Variants in FAT2 observed in about 807,000 individuals in gnomAD.
FAT2 encodes FAT atypical cadherin 2.
In FAT2, 150 loss-of-function variants were observed where a neutral mutation model predicts 295.3. The observed-to-expected ratio is 0.51, with a 90% CI of 0.44 to 0.58. The LOEUF (loss-of-function observed/expected upper bound fraction) is 0.58, where lower values mean the gene tolerates loss of function less well. FAT2 is among the 20% of genes least tolerant of loss of function. The pLI is 0.00. For missense variants in FAT2, 4,868 were observed against 5,442.7 expected (o/e 0.89, Z 3.32); for synonymous variants, 2,026 against 2,150.3 (o/e 0.94, Z 1.60).
rs561707902 is a variant in FAT2, at chr5:151,538,616, C to T, written c.9040-670G>A. Among the ~76,000 whole-genome samples, 7 of 152,320 alleles carry T rather than the reference C, an allele frequency of 4.6e-5. No individual in the cohort carries two copies. The South Asian group carries it at 1.2e-3, about 27-fold the overall frequency. The stretch of plus-strand genomic sequence containing the variant: ...CAGCCTGCAAGCATCATGGTTTCCA[C>T]CACTGTTGAGTGTGGGCAAGCATGG... On this transcript the variant is annotated intron_variant, in intron 11 of 23. Transcript: ENST00000261800.
chr5:151,583,625 A>C (rs1037587092), intron 1 of FAT2, among the ~76,000 whole-genome samples: 4 of 152,154 alleles, frequency 2.6e-5, no homozygotes, highest in African/African-American at 9.7e-5. Flanking sequence ...GGAGCTGGTT[A>C]GTTTCTGGAA....
rs1335360002 is a variant in FAT2 at position 151,537,831 on chromosome 5, C to T, written c.9155G>A (p.Gly3052Asp). 1.2e-6 allele frequency: 2 copies of T among 1,613,968 alleles called. No individual in the cohort carries two copies. The highest frequency in any genetic ancestry group is 1.7e-6 in the Non-Finnish European group (2 of 1,179,898). Residue 3052 changes from glycine to aspartate, a missense_variant, in exon 12 of 24, where the codon GGC becomes GAC. By Grantham distance (94) the Gly-to-Asp change is moderately conservative. This residue lies in a region of FAT2 where 1,046 missense variants were observed against 1,210.1 expected (regional missense o/e 0.86). Transcript: ENST00000261800. The part of the protein sequence containing the change: ...TNAQITYSLH[G>D]PGAHEFKLDP... Reference sequence around the variant, plus strand: ...CAGCTTGAATTCATGCGCCCCAGGGCCATGCAGAGAATATGTGATCTGAGC... The same window carrying T: ...CAGCTTGAATTCATGCGCCCCAGGGTCATGCAGAGAATATGTGATCTGAGC...
chr5:151,505,275 T>C lies in FAT2; in HGVS notation c.*290A>G. The C allele has an allele frequency of 2.1e-6, 1 of 472,906 alleles. No homozygotes were observed. Among genetic ancestry groups the C allele is most frequent in the Non-Finnish European group, 3.7e-6 (1 of 267,532 alleles). The allele number at this position is 472,906 out of a possible 1,614,324, so 29.3% of individuals were successfully genotyped here. On this transcript the variant is annotated 3_prime_UTR_variant, in exon 24 of 24. Coordinates refer to ENST00000261800, the MANE Select transcript of FAT2 (RefSeq NM_001447.3). ...GCCGGCAGATCAGGGAGCCCTCCTG[T>C]CTCTCGCCCACCCCGGGAGTCAATT...
chr5:151,566,505 A>G lies in FAT2; in HGVS notation c.2427T>C (p.Asn809=). ...QKSSWKLLTV[N]VKDWNDNAPR... ...GTGCGTTGTCATTCCAGTCTTTCAC[A>G]TTCACTGTCAGCAGCTTCCAGGAGG... Residue 809 remains asparagine (N), a synonymous_variant, in exon 2 of 24, where the codon AAT becomes AAC. Coordinates refer to ENST00000261800, the MANE Select transcript of FAT2 (RefSeq NM_001447.3). 1 of 1,614,040 alleles carries G rather than the reference A, an allele frequency of 6.2e-7. No homozygotes were observed.
Position 151,565,665 on chromosome 5 carries a change from C to CCA in FAT2, c.3259+7_3259+8insTG. 6.3e-7 allele frequency: 1 copy of CCA among 1,575,802 alleles called. No individual in the cohort carries two copies. The highest frequency in any genetic ancestry group is 8.6e-7 in the Non-Finnish European group (1 of 1,158,362). On this transcript the variant is annotated splice_region_variant and intron_variant, in intron 2 of 23. Coordinates refer to ENST00000261800, the MANE Select transcript of FAT2 (RefSeq NM_001447.3). ...CCCTGGCACCCCACCCTACCCCACC[C>CCA]CCAGTACCTGTATCTTGGTTGATGC...
At chr5:151,552,272 C>T (rs1017294622) in intron 6 of FAT2, among the ~76,000 whole-genome samples, 1 of 152,122 alleles carries the variant, frequency 6.6e-6, no homozygotes. Flanking sequence ...AGGTGCGAGC[C>T]ACTGTGCCCA....
chr5:151,550,105 G>A (rs1020950046), intron 8 of FAT2, among the ~76,000 whole-genome samples: 7 of 152,156 alleles, frequency 4.6e-5, no homozygotes, highest in African/African-American at 1.4e-4. Context: ...GAACTAGGGG[G>A]AAGCAAGTGA....
In FAT2 at chr5:151,565,666, C is replaced by CCCCTAA; in HGVS notation, c.3259+6_3259+7insTTAGGG. 6.3e-7 allele frequency: 1 copy of CCCCTAA among 1,577,004 alleles called. No individual in the cohort carries two copies. Among genetic ancestry groups the CCCCTAA allele is most frequent in the Non-Finnish European group, 8.6e-7 (1 of 1,158,934 alleles). ...CCTGGCACCCCACCCTACCCCACCC[C>CCCCTAA]CAGTACCTGTATCTTGGTTGATGCT... On this transcript the variant is annotated splice_region_variant and intron_variant, in intron 2 of 23. Coordinates refer to ENST00000261800, the MANE Select transcript of FAT2 (RefSeq NM_001447.3).
chr5:151,518,214 G>A (rs1753061925), intron 19 of FAT2, among the ~76,000 whole-genome samples: 2 of 151,914 alleles, frequency 1.3e-5, no homozygotes, highest in African/African-American at 2.4e-5. Context: ...CCTCATGCCT[G>A]TAACTCCAGT....
rs748005307 is a variant in FAT2, at chr5:151,510,102, G to A, written c.11978C>T (p.Ala3993Val). The change falls in exon 22 of 24, where the codon GCA (alanine) becomes GTA (valine). Residue 3993 changes from alanine (A) to valine (V), a missense_variant. Physicochemically the swap from Ala to Val is moderately conservative, Grantham distance 64. Transcript: ENST00000261800. ...GCAAGTTCCACCTTCCAGGCAGGGT[G>A]CAAAAGTACAGTTCTCCCTTCCTTG... Reference protein sequence around the residue: ...CEQGRENCTFAPCLEGGTCIL... With the variant: ...CEQGRENCTFVPCLEGGTCIL... 21 of 1,614,086 alleles carry A rather than the reference G, an allele frequency of 1.3e-5. No homozygotes were observed. The highest frequency in any genetic ancestry group is 1.8e-5 in the Non-Finnish European group (21 of 1,180,032).
At position 151,512,958 on chromosome 5, in the gene FAT2, A is replaced by G. The variant is rs1171652095; in HGVS notation, c.11464-352T>C. Among the ~76,000 whole-genome samples, 1 of 152,220 alleles carries G rather than the reference A, an allele frequency of 6.6e-6. No individual in the cohort carries two copies. Among genetic ancestry groups the G allele is most frequent in the Non-Finnish European group, 1.5e-5 (1 of 68,038 alleles). ...CACTTGTGAATATTGGCCTTCAGCGATTTGAAAAACCTGTCTCCCACTCCC... is the reference window on the plus strand; with the variant it reads ...CACTTGTGAATATTGGCCTTCAGCGGTTTGAAAAACCTGTCTCCCACTCCC... On this transcript the variant is annotated intron_variant, in intron 20 of 23. Transcript: ENST00000261800. The surrounding 1 kb of genome is among the most constrained non-coding windows in gnomAD (Gnocchi z 4.1).
rs998121005 is a variant in FAT2, at chr5:151,534,568, C to T, written c.9268G>A (p.Gly3090Arg). Residue 3090 changes from glycine (G) to arginine (R), a missense_variant, in exon 13 of 24, where the codon GGA (glycine) becomes AGA (arginine). By Grantham distance (125) the Gly-to-Arg change is moderately radical. Transcript: ENST00000261800. ...TCTGCCTGGCACGATCGGCCACCTC[C>T]ATCCGTCGCCTTGGCAACAAGGTTG... ...VFNLVAKATD[G>R]GGRSCQADIT... The T allele has an allele frequency of 3.7e-6, 6 of 1,614,186 alleles. No individual in the cohort carries two copies. The highest frequency in any genetic ancestry group is 5.1e-6 in the Non-Finnish European group (6 of 1,180,028).
chr5:151,575,605 A>G (rs957146564), intron 1 of FAT2, among the ~76,000 whole-genome samples: 1 of 152,246 alleles, frequency 6.6e-6, no homozygotes, highest in Admixed American at 6.5e-5. Flanking sequence ...CATCTGTCCT[A>G]TGACATTCAT....
Position 151,546,465 on chromosome 5 carries a change from A to C in FAT2, c.4790-128T>G, listed in dbSNP as rs957778025. Reference sequence around the variant, plus strand: ...CAAAATCTGCATATAGTGTATACCCACCCTGGATATAGTGTATAGAGTAGA... The same window carrying C: ...CAAAATCTGCATATAGTGTATACCCCCCCTGGATATAGTGTATAGAGTAGA... On this transcript the variant is annotated intron_variant, in intron 9 of 23. Transcript: ENST00000261800. The C allele has an allele frequency of 1.6e-5, 10 of 630,290 alleles. No homozygotes were observed. The African/African-American group carries it at 1.7e-4, about 10-fold the overall frequency. 39.0% of individuals were successfully genotyped at this position (630,290 alleles called of 1,614,324 possible).
chr5:151,588,655 A>G (rs1759276624), intron 1 of FAT2, among the ~76,000 whole-genome samples: 1 of 152,220 alleles, frequency 6.6e-6, no homozygotes, highest in Admixed American at 6.5e-5. Context: ...AGTGAGCAAG[A>G]CAGACCCATG....
rs565714832 is a variant in FAT2, at chr5:151,531,554, G to T, written c.9811+33C>A. The stretch of plus-strand genomic sequence containing the variant: ...CAGCGCTCCCAGAAACCCTGTACGC[G>T]ATGCTTTGGGGCTTGGTGGATCAGG... On this transcript the variant is annotated intron_variant, in intron 14 of 23. Transcript: ENST00000261800. This position sits in a 1 kb window ranked among gnomAD's most constrained non-coding sequence, Gnocchi z 5.7. The T allele has an allele frequency of 1.2e-6, 2 of 1,610,210 alleles. No individual in the cohort carries two copies. The highest frequency in any genetic ancestry group is 1.7e-6 in the Non-Finnish European group (2 of 1,178,946).
chr5:151,505,252 C>A lies in FAT2; in HGVS notation c.*313G>T. ...AGGCTCTGCCCCGGGGACTGAGAGC[C>A]GGCAGATCAGGGAGCCCTCCTGTCT... On this transcript the variant is annotated 3_prime_UTR_variant, in exon 24 of 24. Coordinates refer to ENST00000261800, the MANE Select transcript of FAT2 (RefSeq NM_001447.3). 2.2e-6 allele frequency: 1 copy of A among 446,276 alleles called. No homozygotes were observed. Among genetic ancestry groups the A allele is most frequent in the East Asian group, 4.5e-5 (1 of 22,408 alleles). The allele number at this position is 446,276 out of a possible 1,614,324, so 27.6% of individuals were successfully genotyped here.
At chr5:151,560,911 A>G (rs988300062) in intron 3 of FAT2, among the ~76,000 whole-genome samples, 1 of 152,230 alleles carries the variant, frequency 6.6e-6, no homozygotes, top group Non-Finnish European at 1.5e-5. Context: ...ACTGTGTGAC[A>G]GGTACTGAAG....
rs1224888436 is a variant in FAT2, at chr5:151,537,780, T to C, written c.9193+13A>G. Reference sequence around the variant, plus strand: ...GAAGTTCTTGTTTTGATCCTGCAGCTCAGGAAACCCACCTGTATGAGGATC... The same window carrying C: ...GAAGTTCTTGTTTTGATCCTGCAGCCCAGGAAACCCACCTGTATGAGGATC... On this transcript the variant is annotated intron_variant, in intron 12 of 23. Coordinates refer to ENST00000261800, the MANE Select transcript of FAT2 (RefSeq NM_001447.3). The C allele has an allele frequency of 6.2e-7, 1 of 1,605,418 alleles. No homozygotes were observed. Among genetic ancestry groups the C allele is most frequent in the Non-Finnish European group, 8.5e-7 (1 of 1,174,788 alleles).
Sources: allele counts gnomAD v4.1 joint callset (sites outside exome capture counted in the v4.1 genomes callset), GRCh38; gene constraint gnomAD v4.1.1; regional missense constraint gnomAD v4.1.1; non-coding constraint Gnocchi (gnomAD v3.1); transcripts MANE v1.5; gene names NCBI Gene and HGNC (gene_info 2026-07-23, HGNC 2026-07-21).